The following CHCHD6 variants were observed in gnomAD, a reference collection of about 807,000 sequenced individuals.
CHCHD6 encodes MICOS complex subunit MIC25.
In CHCHD6, 28 loss-of-function variants were observed where a neutral mutation model predicts 32.3. That is an observed-to-expected ratio of 0.87 (90% CI 0.64 to 1.19). The LOEUF (loss-of-function observed/expected upper bound fraction) is 1.19, where lower values mean the gene tolerates loss of function less well. Ranked by LOEUF, CHCHD6 falls within the 50% of genes most tolerant of loss-of-function variation. CHCHD6 has a pLI of 0.00. For missense variants in CHCHD6, 333 were observed against 307.0 expected, an observed-to-expected ratio of 1.08 and a Z score of -0.63; for synonymous variants, 122 against 117.5, an observed-to-expected ratio of 1.04 and a Z score of -0.25.
intron 6 of CHCHD6, among the ~76,000 whole-genome samples, chr3:126,929,832 C>A (rs893600959): frequency 5.9e-5 from 9 of 152,214 alleles, no homozygotes; most frequent in African/African-American, 2.2e-4. Context: ...TCCCAAGGTG[C>A]TGGGATTACA....
intron 5 of CHCHD6, among the ~76,000 whole-genome samples, chr3:126,866,198 G>T (rs562110598): frequency 6.6e-6 from 1 of 152,216 alleles, no homozygotes; most frequent in South Asian, 2.1e-4. Flanking sequence ...ATATAATATT[G>T]CTAACAGACT....
intron 6 of CHCHD6, among the ~76,000 whole-genome samples, chr3:126,927,445 G>C (rs2078341249): frequency 6.6e-6 from 1 of 152,218 alleles, no homozygotes; most frequent in African/African-American, 2.4e-5. Flanking sequence ...CATCCAGCCA[G>C]CTCTGAAAGT....
At chr3:126,943,136 C>T (rs1003770572) in intron 6 of CHCHD6, among the ~76,000 whole-genome samples, 2 of 152,168 alleles carry the variant, frequency 1.3e-5, no homozygotes, top group African/African-American at 4.8e-5. Context: ...TCAGCTGCCA[C>T]GTCCCCTCCT....
chr3:126,783,372 G>A (rs1938044641), intron 4 of CHCHD6, among the ~76,000 whole-genome samples: 1 of 152,222 alleles, frequency 6.6e-6, no homozygotes, highest in African/African-American at 2.4e-5. Context: ...AAGACTGAAA[G>A]CTTTTTCTGT....
intron 6 of CHCHD6, among the ~76,000 whole-genome samples, chr3:126,939,916 C>T (rs1297376253): frequency 2.6e-5 from 4 of 152,058 alleles, no homozygotes; most frequent in Admixed American, 6.5e-5. Flanking sequence ...TAGAAGATGA[C>T]GTGTGTGTGC....
intron 4 of CHCHD6, among the ~76,000 whole-genome samples, chr3:126,768,154 G>A (rs569980196): frequency 1.8e-4 from 28 of 152,290 alleles, no homozygotes; most frequent in African/African-American, 5.8e-4. Context: ...TGATTGGATC[G>A]TGGGGGTAGA....
intron 5 of CHCHD6, among the ~76,000 whole-genome samples, chr3:126,862,256 CCTCCAT>C: frequency 7.4e-6 from 1 of 136,026 alleles, no homozygotes; most frequent in African/African-American, 2.8e-5. Context: ...TCCTCCTCCT[CCTCCAT>C]CACCTCCTCC....
At chr3:126,919,562 C>A (rs2078217071) in intron 6 of CHCHD6, among the ~76,000 whole-genome samples, 1 of 151,188 alleles carries the variant, frequency 6.6e-6, no homozygotes, top group African/African-American at 2.4e-5. Flanking sequence ...AATCCTCCTG[C>A]CTCAGACTCT....
chr3:126,750,906 C>T (rs1298351455), intron 4 of CHCHD6, among the ~76,000 whole-genome samples: 3 of 152,192 alleles, frequency 2.0e-5, no homozygotes, highest in Admixed American at 6.5e-5. Context: ...ATGGGCCCTG[C>T]CTTTGCTGTC....
intron 4 of CHCHD6, among the ~76,000 whole-genome samples, chr3:126,811,272 T>A (rs1939643191): frequency 6.6e-6 from 1 of 152,176 alleles, no homozygotes; most frequent in Non-Finnish European, 1.5e-5. Flanking sequence ...TAATAGGGAA[T>A]GGTGTGGACT....
intron 6 of CHCHD6, among the ~76,000 whole-genome samples, chr3:126,939,136 A>T (rs951030448): frequency 2.6e-5 from 4 of 152,130 alleles, no homozygotes; most frequent in South Asian, 2.1e-4. Flanking sequence ...GCAGGAGAGT[A>T]AGGTTCCAGT....
At chr3:126,862,561 A>T (rs1489621815) in intron 5 of CHCHD6, among the ~76,000 whole-genome samples, 2 of 127,040 alleles carry the variant, frequency 1.6e-5, no homozygotes, top group Admixed American at 7.7e-5. Flanking sequence ...CTCCTCCTCC[A>T]CCATCACCAC....
At chr3:126,959,759 G>C (rs892794003) in intron 7 of CHCHD6, among the ~76,000 whole-genome samples, 2 of 152,224 alleles carry the variant, frequency 1.3e-5, no homozygotes, top group Non-Finnish European at 1.5e-5. Flanking sequence ...GACCCTGACT[G>C]TGCGGACCCC....
chr3:126,734,186 G>T (rs1935939870), intron 4 of CHCHD6, among the ~76,000 whole-genome samples: 1 of 152,224 alleles, frequency 6.6e-6, no homozygotes, highest in East Asian at 1.9e-4. Context: ...CAGCAGAGGG[G>T]ATACAGAGGG....
chr3:126,794,444 A>G (rs1281986725), intron 4 of CHCHD6, among the ~76,000 whole-genome samples: 3 of 149,012 alleles, frequency 2.0e-5, no homozygotes, highest in Non-Finnish European at 4.5e-5. Flanking sequence ...ATATATGTTT[A>G]TATATATATT....
At chr3:126,837,614 A>G (rs1243986314) in intron 4 of CHCHD6, among the ~76,000 whole-genome samples, 1 of 152,184 alleles carries the variant, frequency 6.6e-6, no homozygotes, top group Admixed American at 6.5e-5. Context: ...TCACTAGGTT[A>G]TTGTATAAGT....
intron 4 of CHCHD6, among the ~76,000 whole-genome samples, chr3:126,734,254 G>A (rs76597882): frequency 0.016 from 2,431 of 152,312 alleles, 67 homozygotes; most frequent in African/African-American, 0.054. Flanking sequence ...TGCATATCCA[G>A]CTAGAATTAG....
intron 5 of CHCHD6, among the ~76,000 whole-genome samples, chr3:126,873,828 C>G (rs2077507546): frequency 6.6e-6 from 1 of 152,186 alleles, no homozygotes; most frequent in South Asian, 2.1e-4. Flanking sequence ...GCAGGTATTC[C>G]CTCTGTACCA....
intron 4 of CHCHD6, among the ~76,000 whole-genome samples, chr3:126,805,321 T>C (rs1333841545): frequency 2.0e-5 from 3 of 152,044 alleles, no homozygotes; most frequent in Admixed American, 6.6e-5. Flanking sequence ...CAGCCCAAAA[T>C]CTCCTTAAGC....
Sources: allele counts gnomAD v4.1 joint callset (sites outside exome capture counted in the v4.1 genomes callset), GRCh38; gene constraint gnomAD v4.1.1; transcripts MANE v1.5; gene names NCBI Gene and HGNC (gene_info 2026-07-23, HGNC 2026-07-21).